TNFSF4: variants seen among roughly 807,000 people sequenced by gnomAD.
TNFSF4 encodes tumor necrosis factor ligand superfamily member 4.
In TNFSF4, 4 loss-of-function variants were observed where a neutral mutation model predicts 7.3. The observed-to-expected ratio is 0.55, with a 90% confidence interval of 0.27 to 1.25. TNFSF4 has a LOEUF of 1.25. Ranked by LOEUF, TNFSF4 falls within the 50% of genes most tolerant of loss-of-function variation. The probability of loss-of-function intolerance (pLI) is 0.12; values close to 1 mark genes in which losing one functional copy is unlikely to be tolerated. For missense variants in TNFSF4, 181 were observed against 208.8 expected (o/e 0.87, Z 0.82); for synonymous variants, 76 against 83.7 (o/e 0.91, Z 0.50).
chr1:173,216,041 A>G, the TNFSF4 span, among the ~76,000 whole-genome samples: 1 of 152,348 alleles, frequency 6.6e-6, no homozygotes, highest in African/African-American at 2.4e-5. Flanking sequence ...ATGAAATTTG[A>G]AAAGCACTTA....
the TNFSF4 span, chr1:173,440,746 G>A: frequency 2.0e-5 from 3 of 152,190 alleles, no homozygotes; most frequent in Non-Finnish European, 4.4e-5. Flanking sequence ...CAGCTCCTAC[G>A]TAGACTAAAA....
At chr1:173,215,228 A>G in the TNFSF4 span, among the ~76,000 whole-genome samples, 2 of 152,070 alleles carry the variant, frequency 1.3e-5, no homozygotes, top group African/African-American at 4.8e-5. Context: ...GAACCCAACC[A>G]TGTTGGCACA....
the TNFSF4 span, among the ~76,000 whole-genome samples, chr1:173,423,220 C>T: frequency 6.6e-6 from 1 of 152,174 alleles, no homozygotes; most frequent in African/African-American, 2.4e-5. Flanking sequence ...GATTTTATTA[C>T]TCCCACCTTA....
At chr1:173,388,292 C>T in the TNFSF4 span, among the ~76,000 whole-genome samples, 445 of 152,310 alleles carry the variant, frequency 2.9e-3, 2 homozygotes, top group African/African-American at 1.0e-2. Flanking sequence ...AAGAGAGCAC[C>T]TTTAAATGTG....
chr1:173,212,588 A>G, the TNFSF4 span, among the ~76,000 whole-genome samples: 2 of 151,902 alleles, frequency 1.3e-5, no homozygotes, highest in Non-Finnish European at 2.9e-5. Context: ...CAAAAAAAAA[A>G]AAAAGAAAGA....
chr1:173,205,163 T>C (rs1650128216), intron 1 of TNFSF4: 3 of 886,418 alleles, frequency 3.4e-6, no homozygotes, highest in Non-Finnish European at 5.0e-6. Context: ...GTGAAGAACT[T>C]CAAATATCCT....
At chr1:173,375,911 G>T in the TNFSF4 span, among the ~76,000 whole-genome samples, 3 of 151,996 alleles carry the variant, frequency 2.0e-5, no homozygotes, top group Non-Finnish European at 4.4e-5. Flanking sequence ...CACCGCAAAG[G>T]TCCATGGTTC....
chr1:173,268,089 C>G, the TNFSF4 span, among the ~76,000 whole-genome samples: 1 of 152,036 alleles, frequency 6.6e-6, no homozygotes, highest in Non-Finnish European at 1.5e-5. Context: ...AAAGGAGAAA[C>G]AAAGACATCC....
the TNFSF4 span, among the ~76,000 whole-genome samples, chr1:173,385,180 T>C: frequency 6.6e-6 from 1 of 152,360 alleles, no homozygotes; most frequent in Non-Finnish European, 1.5e-5. Flanking sequence ...GGGTTCTTGA[T>C]GCATTTATCT....
the TNFSF4 span, among the ~76,000 whole-genome samples, chr1:173,245,072 G>A: frequency 6.6e-6 from 1 of 151,582 alleles, no homozygotes; most frequent in African/African-American, 2.4e-5. Context: ...CTACAGAAGA[G>A]AAAAGGAAAC....
chr1:173,317,245 C>T, the TNFSF4 span, among the ~76,000 whole-genome samples: 1 of 152,198 alleles, frequency 6.6e-6, no homozygotes, highest in Non-Finnish European at 1.5e-5. Flanking sequence ...TCCCATCCAC[C>T]AGCTGAATAC....
chr1:173,295,671 G>A, the TNFSF4 span, among the ~76,000 whole-genome samples: 4 of 151,954 alleles, frequency 2.6e-5, no homozygotes, highest in East Asian at 3.9e-4. Flanking sequence ...TTTTTCCTTG[G>A]AAATTGACAT....
chr1:173,370,189 A>G, the TNFSF4 span, among the ~76,000 whole-genome samples: 2 of 152,232 alleles, frequency 1.3e-5, no homozygotes, highest in South Asian at 4.1e-4. Context: ...TACAGGGTCT[A>G]GGGCAAACCT....
chr1:173,334,650 T>C, the TNFSF4 span, among the ~76,000 whole-genome samples: 1 of 152,200 alleles, frequency 6.6e-6, no homozygotes, highest in African/African-American at 2.4e-5. Flanking sequence ...AATGGGGATG[T>C]GTGAGAAGAC....
the TNFSF4 span, among the ~76,000 whole-genome samples, chr1:173,266,776 A>G: frequency 6.6e-6 from 1 of 152,188 alleles, no homozygotes; most frequent in Non-Finnish European, 1.5e-5. Context: ...AAATAATAAA[A>G]TGATAACTGT....
At chr1:173,286,955 C>T in the TNFSF4 span, among the ~76,000 whole-genome samples, 1 of 151,990 alleles carries the variant, frequency 6.6e-6, no homozygotes, top group African/African-American at 2.4e-5. Flanking sequence ...TAAAAAAAGA[C>T]ATTGAAATAA....
chr1:173,190,049 A>C (rs1410981456), intron 1 of TNFSF4, among the ~76,000 whole-genome samples: 1 of 83,260 alleles, frequency 1.2e-5, no homozygotes, highest in Non-Finnish European at 2.1e-5. Context: ...ATCTCTGCTT[A>C]AAAAAAAAAA....
At chr1:173,447,620 T>A in the TNFSF4 span, among the ~76,000 whole-genome samples, 2 of 151,998 alleles carry the variant, frequency 1.3e-5, no homozygotes, top group African/African-American at 4.8e-5. Flanking sequence ...AAAAATACAC[T>A]GTGTGAAGTT....
chr1:173,370,095 T>A, the TNFSF4 span, among the ~76,000 whole-genome samples: 12 of 152,144 alleles, frequency 7.9e-5, no homozygotes, highest in Admixed American at 7.9e-4. Context: ...CGAGTACATA[T>A]CCCCTTCTCC....
Sources: allele counts gnomAD v4.1 joint callset (sites outside exome capture counted in the v4.1 genomes callset), GRCh38; gene constraint gnomAD v4.1.1; transcripts MANE v1.5; gene names NCBI Gene and HGNC (gene_info 2026-07-23, HGNC 2026-07-21).